Variants in TMED10 observed in about 807,000 individuals in gnomAD.
TMED10 encodes the protein transmembrane emp24 domain-containing protein 10.
A neutral mutation model predicts 23.1 loss-of-function variants in TMED10; 7 were observed. The ratio of observed to expected loss-of-function variants is 0.30; its 90% CI spans 0.17 to 0.57. The LOEUF (loss-of-function observed/expected upper bound fraction) is 0.57, where lower values mean the gene tolerates loss of function less well. TMED10 is among the 20% of genes least tolerant of loss of function. The probability of loss-of-function intolerance (pLI) is 0.91; values close to 1 mark genes in which losing one functional copy is unlikely to be tolerated. For synonymous variants in TMED10, 113 were observed against 106.9 expected (o/e 1.06, Z -0.35); for missense variants, 162 against 274.8 (o/e 0.59, Z 2.90).
intron 1 of TMED10, among the ~76,000 whole-genome samples, chr14:75,170,197 C>T (rs918839858): frequency 2.6e-5 from 4 of 152,144 alleles, no homozygotes; most frequent in Admixed American, 1.3e-4. Flanking sequence ...CACCGCACTG[C>T]AGCCTGGGTG....
intron 1 of TMED10, among the ~76,000 whole-genome samples, chr14:75,164,557 A>G (rs1594873623): frequency 6.7e-5 from 1 of 14,854 alleles, no homozygotes; most frequent in Non-Finnish European, 1.1e-4. Context: ...ATATATATAT[A>G]TATATATATA....
At chr14:75,172,894 T>A (rs1896252133) in intron 1 of TMED10, among the ~76,000 whole-genome samples, 1 of 143,756 alleles carries the variant, frequency 7.0e-6, no homozygotes, top group Non-Finnish European at 1.5e-5. Context: ...GCTGGTGAAA[T>A]TTTTTTTTTT....
chr14:75,157,627 G>C (rs1896035328), intron 1 of TMED10, among the ~76,000 whole-genome samples: 1 of 136,320 alleles, frequency 7.3e-6, no homozygotes, highest in South Asian at 2.5e-4. Flanking sequence ...TCCAGCCTGG[G>C]CAACAGAGTG....
intron 1 of TMED10, among the ~76,000 whole-genome samples, chr14:75,171,929 C>CTTT (rs918924697): frequency 7.0e-6 from 1 of 143,102 alleles, no homozygotes; most frequent in Non-Finnish European, 1.5e-5. Context: ...CTGGTTACAT[C>CTTT]TTTTTTTTTT....
chr14:75,138,501 A>T lies in TMED10; in HGVS notation c.412-2615T>A, dbSNP rs141637970. ...GTTTTGTCATTAACCCAGAATATAT[A>T]TCTGTTCATTGATCTCATATAGAGC... On this transcript the variant is annotated intron_variant, in intron 3 of 4. Coordinates refer to ENST00000303575, the MANE Select transcript of TMED10 (RefSeq NM_006827.6). Among the ~76,000 whole-genome samples the T allele has an allele frequency of 5.0e-3, 767 of 152,330 alleles. 6 individuals carry two copies. The highest frequency in any genetic ancestry group is 8.0e-3 in the Non-Finnish European group (547 of 68,032).
chr14:75,134,786 G>T lies in TMED10; in HGVS notation c.*99C>A. The T allele has an allele frequency of 2.0e-6, 3 of 1,527,316 alleles. No individual in the cohort carries two copies. Among genetic ancestry groups the T allele is most frequent in the Non-Finnish European group, 2.7e-6 (3 of 1,113,224 alleles). The allele number at this position is 1,527,316 out of a possible 1,614,324, so 94.6% of individuals were successfully genotyped here. A position where few individuals can be genotyped will look rare whatever the true frequency, so the allele number is the denominator to read the frequency against. Reference sequence around the variant, plus strand: ...AGTTCTGGCAAGAAAGCTCCAACGTGCCTTGATGGTGCTGTTGGTAGGATG... The same window carrying T: ...AGTTCTGGCAAGAAAGCTCCAACGTTCCTTGATGGTGCTGTTGGTAGGATG... On this transcript the variant is annotated 3_prime_UTR_variant, in exon 5 of 5. Coordinates refer to ENST00000303575, the MANE Select transcript of TMED10 (RefSeq NM_006827.6).
At chr14:75,145,105 G>A (rs954534014) in intron 3 of TMED10, among the ~76,000 whole-genome samples, 5 of 152,214 alleles carry the variant, frequency 3.3e-5, no homozygotes, top group African/African-American at 4.8e-5. Flanking sequence ...AGGAGGGTGG[G>A]GATAGATGTT....
intron 1 of TMED10, 49 bp from the exon 2 acceptor site, chr14:75,152,192 G>T: frequency 6.8e-7 from 1 of 1,462,108 alleles, no homozygotes; most frequent in South Asian, 1.2e-5. Context: ...CACTCAGGAA[G>T]AGAACTTACA....
chr14:75,135,325 A>C (rs545544913), intron 4 of TMED10, among the ~76,000 whole-genome samples: 3 of 152,130 alleles, frequency 2.0e-5, no homozygotes, highest in African/African-American at 7.2e-5. Context: ...CTATAGTCCC[A>C]GCTACTTGGG....
chr14:75,163,550 A>T (rs12897495), intron 1 of TMED10, among the ~76,000 whole-genome samples: 6 of 93,868 alleles, frequency 6.4e-5, no homozygotes, highest in Admixed American at 6.0e-4. Context: ...GAGACTCCGT[A>T]TCAAAAAAAA....
chr14:75,149,485 G>A (rs1204992518), intron 2 of TMED10, among the ~76,000 whole-genome samples: 1 of 150,268 alleles, frequency 6.7e-6, no homozygotes, highest in African/African-American at 2.5e-5. Context: ...CCCACTCTGC[G>A]ATGTTCTGTT....
At chr14:75,162,287 T>C (rs1193159490) in intron 1 of TMED10, among the ~76,000 whole-genome samples, 1 of 151,476 alleles carries the variant, frequency 6.6e-6, no homozygotes, top group Non-Finnish European at 1.5e-5. Context: ...CAAACAAAAA[T>C]GAAAATCCAA....
chr14:75,133,906 TA>T lies in TMED10; in HGVS notation c.*978del. On this transcript the variant is annotated 3_prime_UTR_variant, in exon 5 of 5. Coordinates refer to ENST00000303575, the MANE Select transcript of TMED10 (RefSeq NM_006827.6). ...ACCCCCTAAATATATAAAACATTTT[TA>T]AAAGAAAAAAAGGAAGAAACTATTC... The T allele has an allele frequency of 6.5e-6, 2 of 309,458 alleles. No individual in the cohort carries two copies. Among genetic ancestry groups the T allele is most frequent in the Non-Finnish European group, 1.2e-5 (2 of 163,142 alleles). 19.2% of individuals were successfully genotyped at this position (309,458 alleles called of 1,614,324 possible).
rs1201784006 is a variant in TMED10, at chr14:75,132,841, C to G, written c.*2044G>C. 6.6e-6 allele frequency: 1 copy of G among 152,482 alleles called. No homozygotes were observed. Among genetic ancestry groups the G allele is most frequent in the African/African-American group, 2.4e-5 (1 of 41,414 alleles). 9.4% of individuals were successfully genotyped at this position (152,482 alleles called of 1,614,324 possible). ...TTCTTGCCACTGTGATTAAACAAGC[C>G]CTGTAATAGTCAGCAGGGTTAAAAA... is the stretch of plus-strand genomic sequence containing the variant. On this transcript the variant is annotated 3_prime_UTR_variant, in exon 5 of 5. Coordinates refer to ENST00000303575, the MANE Select transcript of TMED10 (RefSeq NM_006827.6).
chr14:75,152,214 G>T, intron 1 of TMED10, 71 bp from the exon 2 acceptor site: 1 of 1,214,846 alleles, frequency 8.2e-7, no homozygotes, highest in Non-Finnish European at 1.2e-6. Context: ...AAACTGGGAA[G>T]ATAGAGACAC....
In TMED10 at chr14:75,134,784, G is replaced by A. The variant is rs1416258129; in HGVS notation, c.*101C>T. 8.6e-6 allele frequency: 13 copies of A among 1,514,886 alleles called. No homozygotes were observed. Among genetic ancestry groups the A allele is most frequent in the Admixed American group, 5.2e-5 (3 of 57,992 alleles). The allele number at this position is 1,514,886 out of a possible 1,614,324, so 93.8% of individuals were successfully genotyped here. ...TCAGTTCTGGCAAGAAAGCTCCAAC[G>A]TGCCTTGATGGTGCTGTTGGTAGGA... is the stretch of plus-strand genomic sequence containing the variant. On this transcript the variant is annotated 3_prime_UTR_variant, in exon 5 of 5. Transcript: ENST00000303575.
intron 2 of TMED10, among the ~76,000 whole-genome samples, chr14:75,150,905 C>A (rs1048274014): frequency 6.6e-6 from 1 of 152,128 alleles, no homozygotes; most frequent in Non-Finnish European, 1.5e-5. Flanking sequence ...AACAGACAAT[C>A]CTTTTTGTTT....
intron 1 of TMED10, among the ~76,000 whole-genome samples, chr14:75,155,255 C>T (rs559000226): frequency 6.6e-5 from 10 of 152,256 alleles, no homozygotes; most frequent in South Asian, 2.1e-4. Flanking sequence ...CCACCACGCC[C>T]GGCCTAATTT....
chr14:75,137,516 A>C (rs1235723163), intron 3 of TMED10, among the ~76,000 whole-genome samples: 12 of 143,406 alleles, frequency 8.4e-5, no homozygotes, highest in Non-Finnish European at 1.7e-4. Context: ...ACTAAAAATA[A>C]AAAAAAAAAA....
Sources: gnomAD v4.1 joint callset for allele counts (sites outside exome capture counted in the v4.1 genomes callset) on GRCh38, gnomAD v4.1.1 for gene constraint, MANE v1.5 for transcripts, NCBI Gene and HGNC (gene_info 2026-07-23, HGNC 2026-07-21) for gene names.